ALK: variants seen among roughly 807,000 people sequenced by gnomAD.
The protein encoded by ALK is ALK tyrosine kinase receptor.
A neutral mutation model predicts 163.1 loss-of-function variants in ALK; 74 were observed. The observed-to-expected ratio is 0.45, with a 90% confidence interval of 0.38 to 0.55. ALK has a LOEUF of 0.55. Among genes scored for constraint, ALK ranks in the 20% least tolerant of loss-of-function variants. The pLI, the probability that ALK is intolerant of heterozygous loss-of-function variation, is 0.00. For synonymous variants in ALK, 960 were observed against 843.2 expected, an observed-to-expected ratio of 1.14 and a Z score of -2.40; for missense variants, 2,063 against 2,105.3, an observed-to-expected ratio of 0.98 and a Z score of 0.39.
intron 3 of ALK, among the ~76,000 whole-genome samples, chr2:29,543,427 T>C (rs1040580367): frequency 6.6e-6 from 1 of 152,230 alleles, no homozygotes. Context: ...GCAAGCCATT[T>C]TGCAGGTGAC....
intron 6 of ALK, among the ~76,000 whole-genome samples, chr2:29,324,124 T>C (rs1667171301): frequency 6.6e-6 from 1 of 152,232 alleles, no homozygotes; most frequent in Admixed American, 6.5e-5. Context: ...AGTTATTTCA[T>C]TGGCTGGATG....
At chr2:29,808,608 C>T (rs1664676435) in intron 1 of ALK, among the ~76,000 whole-genome samples, 1 of 152,194 alleles carries the variant, frequency 6.6e-6, no homozygotes, top group South Asian at 2.1e-4. Context: ...ACCCTCTTCT[C>T]ACTGGCCCGT....
chr2:29,567,610 A>C (rs1333586987), intron 3 of ALK, among the ~76,000 whole-genome samples: 1 of 152,164 alleles, frequency 6.6e-6, no homozygotes, highest in Non-Finnish European at 1.5e-5. Flanking sequence ...AAAAAGTTTT[A>C]TAAACTTTGC....
chr2:29,907,178 A>G (rs1414419913), intron 1 of ALK: 1 of 152,116 alleles, frequency 6.6e-6, no homozygotes, highest in African/African-American at 2.4e-5. Flanking sequence ...TAAGTCCTGT[A>G]TAAGAGTCTG....
At chr2:29,852,359 C>G (rs1479580339) in intron 1 of ALK, among the ~76,000 whole-genome samples, 2 of 152,132 alleles carry the variant, frequency 1.3e-5, no homozygotes, top group Non-Finnish European at 2.9e-5. Context: ...CCTCCTTAAC[C>G]CCTTCAGACT....
In ALK at chr2:29,508,632, C is replaced by A. The variant is rs191023444; in HGVS notation, c.1154+23283G>T. Among the ~76,000 whole-genome samples, 35 of 147,004 alleles carry A rather than the reference C, an allele frequency of 2.4e-4. No homozygotes were observed. The East Asian group carries it at 5.7e-3, about 24-fold the overall frequency. On this transcript the variant is annotated intron_variant, in intron 4 of 28. Coordinates refer to ENST00000389048, the MANE Select transcript of ALK (RefSeq NM_004304.5). ...TAATGGGTGCAGCACACCAACATGG[C>A]ACATGTATACATACGTAACTAACCT...
intron 4 of ALK, among the ~76,000 whole-genome samples, chr2:29,447,810 C>T (rs1031135056): frequency 2.0e-5 from 3 of 152,014 alleles, no homozygotes; most frequent in Non-Finnish European, 4.4e-5. Flanking sequence ...GGGTGGGGTC[C>T]TTACTACTCT....
rs947716265 is a variant in ALK, at chr2:29,712,123, T to C, written c.787+5455A>G. Among the ~76,000 whole-genome samples, 3 of 152,316 alleles carry C rather than the reference T, an allele frequency of 2.0e-5. 1 individual carries two copies. The highest frequency in any genetic ancestry group is 2.0e-4 in the Admixed American group (3 of 15,306). On this transcript the variant is annotated intron_variant, in intron 2 of 28. Transcript: ENST00000389048. ...AAACACCTAAGGCAACTCCTTTATA[T>C]TGAATTTCCATGGATTGAGTATATT...
chr2:29,303,750 G>C (rs1666431447), intron 8 of ALK, among the ~76,000 whole-genome samples: 1 of 152,218 alleles, frequency 6.6e-6, no homozygotes, highest in Non-Finnish European at 1.5e-5. Context: ...GATGCAGCTG[G>C]AGGCCATTAT....
intron 23 of ALK, among the ~76,000 whole-genome samples, chr2:29,218,535 G>A (rs1038152068): frequency 6.6e-6 from 1 of 152,176 alleles, no homozygotes; most frequent in Admixed American, 6.5e-5. Context: ...AAAGGAGAGA[G>A]ATGCCTTTGT....
intron 1 of ALK, among the ~76,000 whole-genome samples, chr2:29,886,702 A>T (rs1318744579): frequency 1.3e-5 from 2 of 152,250 alleles, no homozygotes; most frequent in African/African-American, 2.4e-5. Flanking sequence ...CCAGAAGTTC[A>T]CTTTGCACAA....
At chr2:29,238,260 G>C (rs748435413) in intron 13 of ALK, among the ~76,000 whole-genome samples, 3 of 152,080 alleles carry the variant, frequency 2.0e-5, no homozygotes, top group Non-Finnish European at 4.4e-5. Flanking sequence ...GCAGTGGTGC[G>C]ATCTTGGCTC....
At chr2:29,220,859 C>T (rs377681080) in intron 22 of ALK, 24 bp from the exon 23 acceptor site, 7 of 1,613,524 alleles carry the variant, frequency 4.3e-6, no homozygotes, top group African/African-American at 1.3e-5. Context: ...AGGGATGTAA[C>T]CAAAATTAAC....
At chr2:29,559,593 G>A (rs1673962106) in intron 3 of ALK, among the ~76,000 whole-genome samples, 1 of 151,384 alleles carries the variant, frequency 6.6e-6, no homozygotes, top group South Asian at 2.1e-4. Flanking sequence ...TCAATCCCAT[G>A]AGAAATGTGT....
At chr2:29,294,371 G>C (rs772240890) in intron 9 of ALK, among the ~76,000 whole-genome samples, 1 of 152,206 alleles carries the variant, frequency 6.6e-6, no homozygotes, top group Non-Finnish European at 1.5e-5. Context: ...TCTAAGGGTT[G>C]GATGACTGGT....
Position 29,370,252 on chromosome 2 carries a change from G to A in ALK, c.1282+13480C>T, listed in dbSNP as rs17007983. Among the ~76,000 whole-genome samples, 672 of 152,318 alleles carry A rather than the reference G, an allele frequency of 4.4e-3. 7 individuals carry two copies. The highest frequency in any genetic ancestry group is 0.016 in the African/African-American group (650 of 41,562). On this transcript the variant is annotated intron_variant, in intron 5 of 28. Coordinates refer to ENST00000389048, the MANE Select transcript of ALK (RefSeq NM_004304.5). Reference sequence around the variant, plus strand: ...TTTGAGCTATTCACTTGTTCTCCTGGATCTCTGGGTAGTGGTGTGCAGAGG... The same window carrying A: ...TTTGAGCTATTCACTTGTTCTCCTGAATCTCTGGGTAGTGGTGTGCAGAGG...
At position 29,670,642 on chromosome 2, in the gene ALK, G is replaced by A. The variant is rs183262501; in HGVS notation, c.952+24208C>T. ...CCTTCTTGAACACCAATAATTCTTA[G>A]ATTTGGTCTTTGGAGATAATTTTCT... is the stretch of plus-strand genomic sequence containing the variant. On this transcript the variant is annotated intron_variant, in intron 3 of 28. Transcript: ENST00000389048. Among the ~76,000 whole-genome samples the A allele has an allele frequency of 2.0e-5, 3 of 152,006 alleles. No homozygotes were observed. The East Asian group carries it at 5.8e-4, about 30-fold the overall frequency.
chr2:29,400,037 G>C (rs1302023234), intron 4 of ALK, among the ~76,000 whole-genome samples: 5 of 152,212 alleles, frequency 3.3e-5, no homozygotes, highest in Non-Finnish European at 7.3e-5. Context: ...CCTCATCCAT[G>C]ATGACTTGGC....
chr2:29,300,015 C>G lies in ALK; in HGVS notation c.1648-2958G>C, dbSNP rs566362036. Among the ~76,000 whole-genome samples the G allele has an allele frequency of 2.0e-5, 3 of 152,338 alleles. No homozygotes were observed. In the South Asian group the frequency reaches 6.2e-4, roughly 32 times the overall value. On this transcript the variant is annotated intron_variant, in intron 8 of 28. Transcript: ENST00000389048. ...TTGAACTAGGGGCTGGCTAGCTGCT[C>G]TGATGGCAGAACAAGGCAAGGTGGC...
Sources: gnomAD v4.1 joint callset for allele counts (sites outside exome capture counted in the v4.1 genomes callset) on GRCh38, gnomAD v4.1.1 for gene constraint, MANE v1.5 for transcripts, NCBI Gene and HGNC (gene_info 2026-07-23, HGNC 2026-07-21) for gene names.